Variants in FNDC3A observed in about 807,000 individuals in gnomAD.
FNDC3A encodes the protein fibronectin type III domain containing 3A.
FNDC3A carries 32 observed loss-of-function variants against 148.9 expected under a neutral mutation model. The ratio of observed to expected loss-of-function variants is 0.21; its 90% CI spans 0.16 to 0.29. The LOEUF is 0.29. FNDC3A is among the 10% of genes least tolerant of loss of function. FNDC3A has a pLI of 1.00. For missense variants in FNDC3A, 1,191 were observed against 1,452.8 expected (o/e 0.82, Z 2.93); for synonymous variants, 472 against 473.6 (o/e 1.00, Z 0.04).
intron 2 of FNDC3A, among the ~76,000 whole-genome samples, chr13:49,019,071 C>T (rs1028280088): frequency 1.4e-4 from 21 of 152,236 alleles, no homozygotes; most frequent in African/African-American, 4.6e-4. Flanking sequence ...CTGTGCCCTG[C>T]CCCCAGAGGT....
chr13:49,161,361 G>A (rs1352661501), intron 8 of FNDC3A, among the ~76,000 whole-genome samples: 1 of 152,138 alleles, frequency 6.6e-6, no homozygotes, highest in East Asian at 1.9e-4. Flanking sequence ...ATTATGTAAT[G>A]GCCTTGTCTC....
chr13:49,174,026 G>A (rs2138060542), intron 11 of FNDC3A, among the ~76,000 whole-genome samples: 1 of 152,174 alleles, frequency 6.6e-6, no homozygotes, highest in Non-Finnish European at 1.5e-5. Context: ...TTTGGGCATG[G>A]GTAAGGACCT....
intron 8 of FNDC3A, among the ~76,000 whole-genome samples, chr13:49,161,283 G>C (rs1884096996): frequency 6.6e-6 from 1 of 152,172 alleles, no homozygotes; most frequent in South Asian, 2.1e-4. Context: ...CTAAGGACTT[G>C]CTTTATGAAT....
chr13:49,189,426 C>T (rs770455267), intron 17 of FNDC3A, among the ~76,000 whole-genome samples: 12 of 152,086 alleles, frequency 7.9e-5, no homozygotes, highest in African/African-American at 1.9e-4. Flanking sequence ...CGTGATCCAC[C>T]GGCCTCAGCC....
intron 4 of FNDC3A, among the ~76,000 whole-genome samples, chr13:49,116,535 C>T (rs1196499274): frequency 6.6e-6 from 1 of 152,214 alleles, no homozygotes; most frequent in African/African-American, 2.4e-5. Context: ...TGGCTCACGC[C>T]TGTAATCCCA....
chr13:49,178,618 G>A lies in FNDC3A; in HGVS notation c.1581G>A (p.Val527=). The A allele has an allele frequency of 1.3e-6, 2 of 1,582,362 alleles. No homozygotes were observed. Among genetic ancestry groups the A allele is most frequent in the Non-Finnish European group, 1.7e-6 (2 of 1,166,332 alleles). The part of the protein sequence containing the change: ...KYDGEDLAYT[V]KNLRRSTKYK... ...ATGGAGAAGATCTTGCTTACACAGT[G>A]AAAAATCTCAGACGTAGTACTAAGT... is the stretch of plus-strand genomic sequence containing the variant. Residue 527 remains valine (V), a synonymous_variant, in exon 14 of 26, where the codon GTG becomes GTA. Transcript: ENST00000492622.
At chr13:49,061,030 A>C (rs1876645667) in intron 2 of FNDC3A, among the ~76,000 whole-genome samples, 1 of 152,186 alleles carries the variant, frequency 6.6e-6, no homozygotes, top group African/African-American at 2.4e-5. Flanking sequence ...TAATAGTTAC[A>C]GAAATTGATT....
chr13:49,114,552 C>A, intron 3 of FNDC3A, 103 bp from the exon 4 acceptor site: 2 of 730,202 alleles, frequency 2.7e-6, no homozygotes, highest in Non-Finnish European at 2.5e-6. Flanking sequence ...TTACTGTTGG[C>A]TTGAGTGTTT....
intron 3 of FNDC3A, among the ~76,000 whole-genome samples, chr13:49,103,926 A>G (rs942730378): frequency 2.6e-5 from 4 of 152,344 alleles, no homozygotes; most frequent in Non-Finnish European, 5.9e-5. Flanking sequence ...TCATGAGAGT[A>G]GTAAATAAGA....
chr13:49,017,887 C>G (rs1233489077), intron 2 of FNDC3A, among the ~76,000 whole-genome samples: 5 of 152,064 alleles, frequency 3.3e-5, no homozygotes, highest in Admixed American at 1.3e-4. Context: ...ATATGAAATT[C>G]TGGGTTGAAA....
chr13:49,050,873 T>C (rs914135109), intron 2 of FNDC3A, among the ~76,000 whole-genome samples: 1 of 152,212 alleles, frequency 6.6e-6, no homozygotes, highest in Non-Finnish European at 1.5e-5. Context: ...CCTTTTGGAG[T>C]AGTCCTTTTA....
chr13:49,199,616 G>A (rs1886332769), intron 23 of FNDC3A, among the ~76,000 whole-genome samples: 1 of 152,106 alleles, frequency 6.6e-6, no homozygotes, highest in Non-Finnish European at 1.5e-5. Flanking sequence ...GTGAGCCACT[G>A]CACCCGGCCC....
intron 3 of FNDC3A, chr13:49,110,449 CAG>C (rs539983925): frequency 1.6e-4 from 205 of 1,290,060 alleles, no homozygotes; most frequent in Non-Finnish European, 2.1e-4. Context: ...TATTTTAAGA[CAG>C]AAAGCATTGT....
chr13:49,025,971 A>C (rs566377716), intron 2 of FNDC3A, among the ~76,000 whole-genome samples: 1 of 152,362 alleles, frequency 6.6e-6, no homozygotes, highest in South Asian at 2.1e-4. Flanking sequence ...ACATGTGCAA[A>C]ACTATTCTCT....
chr13:49,078,548 C>G (rs1878268000), intron 3 of FNDC3A, among the ~76,000 whole-genome samples: 1 of 152,164 alleles, frequency 6.6e-6, no homozygotes, highest in Non-Finnish European at 1.5e-5. Flanking sequence ...AGAAGGCTCT[C>G]CCCTCTTTAT....
At chr13:49,202,929 G>A (rs556915432) in intron 24 of FNDC3A, among the ~76,000 whole-genome samples, 3 of 152,318 alleles carry the variant, frequency 2.0e-5, no homozygotes, top group African/African-American at 4.8e-5. Context: ...AGCTATGATC[G>A]CACCACTGTT....
At chr13:49,059,240 T>C (rs578031706) in intron 2 of FNDC3A, among the ~76,000 whole-genome samples, 3 of 152,338 alleles carry the variant, frequency 2.0e-5, no homozygotes, top group Admixed American at 6.5e-5. Context: ...GCAACCTGAA[T>C]ATAAAAGCTA....
chr13:49,058,238 G>T (rs766768737), intron 2 of FNDC3A, among the ~76,000 whole-genome samples: 1 of 152,108 alleles, frequency 6.6e-6, no homozygotes, highest in African/African-American at 2.4e-5. Context: ...GGTCGTGATC[G>T]ATTGAGCAAG....
At chr13:48,998,684 A>C (rs1298841451) in intron 1 of FNDC3A, among the ~76,000 whole-genome samples, 1 of 152,146 alleles carries the variant, frequency 6.6e-6, no homozygotes, top group Non-Finnish European at 1.5e-5. Flanking sequence ...GAATTGAAGC[A>C]AAAAGGCACC....
Sources: gnomAD v4.1 joint callset for allele counts (sites outside exome capture counted in the v4.1 genomes callset) on GRCh38, gnomAD v4.1.1 for gene constraint, MANE v1.5 for transcripts, NCBI Gene and HGNC (gene_info 2026-07-23, HGNC 2026-07-21) for gene names.